Variants in ANXA4 observed in about 807,000 individuals in gnomAD.
ANXA4 encodes 35-beta calcimedin.
ANXA4 carries 39 observed loss-of-function variants against 49.8 expected under a neutral mutation model. That is an observed-to-expected ratio of 0.78 (90% CI 0.61 to 1.02). ANXA4 has a LOEUF of 1.02. ANXA4 is among the 50% of genes least tolerant of loss of function. ANXA4 has a pLI of 0.00. For synonymous variants in ANXA4, 134 were observed against 152.5 expected (o/e 0.88, Z 0.89); for missense variants, 360 against 410.1 (o/e 0.88, Z 1.05).
chr2:69,804,602 C>G lies in ANXA4; in HGVS notation c.167C>G (p.Thr56Arg), dbSNP rs764567406. ...ACCGCCCAGCGCCAGGAGATCAGGA[C>G]AGCCTACAAGAGCACCATCGGCAGG... Reference protein sequence around the residue: ...RNTAQRQEIRTAYKSTIGRDL... With the variant: ...RNTAQRQEIRRAYKSTIGRDL... The change falls in exon 4 of 13, where the codon ACA (threonine) becomes AGA (arginine). Residue 56 changes from threonine (T) to arginine (R), a missense_variant. Physicochemically the swap from Thr to Arg is moderately conservative, Grantham distance 71. Transcript: ENST00000394295. 7 of 1,613,622 alleles carry G rather than the reference C, an allele frequency of 4.3e-6. No homozygotes were observed. Among genetic ancestry groups the G allele is most frequent in the African/African-American group, 2.7e-5 (2 of 74,920 alleles).
chr2:69,724,373 A>G (rs925510397), intron 3 of ANXA4, among the ~76,000 whole-genome samples: 2 of 152,208 alleles, frequency 1.3e-5, no homozygotes, highest in African/African-American at 4.8e-5. Flanking sequence ...GCTGAAAAAC[A>G]GCCAGTATTC....
chr2:69,741,876 C>G (rs1043250170), upstream of ANXA4: 2 of 152,542 alleles, frequency 1.3e-5, no homozygotes, highest in African/African-American at 4.8e-5. Flanking sequence ...CCAATCCGGG[C>G]AGGGGGCGAG....
At chr2:69,715,500 G>A (rs1678852599) in intron 2 of ANXA4, among the ~76,000 whole-genome samples, 4 of 152,168 alleles carry the variant, frequency 2.6e-5, no homozygotes, top group South Asian at 4.1e-4. Context: ...AAGCCATCAC[G>A]CCTGGCCAAA....
intron 2 of ANXA4, among the ~76,000 whole-genome samples, chr2:69,715,407 C>A (rs6758921): frequency 0.057 from 8,687 of 152,082 alleles, 857 homozygotes; most frequent in African/African-American, 0.2. Flanking sequence ...GGGGTTTCAC[C>A]ATATTGGCCA....
intron 1 of ANXA4, among the ~76,000 whole-genome samples, chr2:69,760,438 G>C (rs1301712136): frequency 6.6e-6 from 1 of 152,200 alleles, no homozygotes; most frequent in Non-Finnish European, 1.5e-5. Context: ...GCCAAAATCT[G>C]TAGTCTCAAA....
rs72903051 is a variant in ANXA4, at chr2:69,742,877, A to C, written c.-47+702A>C. Among the ~76,000 whole-genome samples the C allele has an allele frequency of 5.0e-3, 766 of 152,288 alleles. 9 individuals are homozygous for C. Among genetic ancestry groups the C allele is most frequent in the African/African-American group, 0.017 (704 of 41,556 alleles). On this transcript the variant is annotated intron_variant, in intron 1 of 12. Coordinates refer to ENST00000394295, the MANE Select transcript of ANXA4 (RefSeq NM_001153.5). ...CTGCATAACTCGTGCTTTACATGGA[A>C]CTGGGCATCTGCTCTCTCCTGCTGA...
intron 12 of ANXA4, among the ~76,000 whole-genome samples, chr2:69,823,815 A>G (rs1454942788): frequency 6.6e-6 from 1 of 152,252 alleles, no homozygotes; most frequent in Non-Finnish European, 1.5e-5. Flanking sequence ...AATGAGGCAA[A>G]GTATAAACAA....
At chr2:69,814,370 G>T (rs148613188) in intron 8 of ANXA4, among the ~76,000 whole-genome samples, 16 of 111,380 alleles carry the variant, frequency 1.4e-4, no homozygotes, top group Non-Finnish European at 2.7e-4. Flanking sequence ...TTTTGAGATA[G>T]GGTCTTGCTC....
At chr2:69,792,540 C>A (rs765566500) in intron 3 of ANXA4, among the ~76,000 whole-genome samples, 60 of 152,156 alleles carry the variant, frequency 3.9e-4, no homozygotes, top group Admixed American at 2.7e-3. Context: ...CAGAAAAAAA[C>A]CATATAATGC....
chr2:69,796,434 G>A (rs777548263), intron 3 of ANXA4, among the ~76,000 whole-genome samples: 23 of 152,158 alleles, frequency 1.5e-4, no homozygotes, highest in Non-Finnish European at 2.4e-4. Context: ...GCCTGTTTTT[G>A]TGGTTTCCTT....
At chr2:69,648,883 C>CTTTTTT (rs199698315) in intron 1 of ANXA4, among the ~76,000 whole-genome samples, 113 of 105,768 alleles carry the variant, frequency 1.1e-3, no homozygotes, top group East Asian at 8.2e-3. Context: ...TTCTTTCTTT[C>CTTTTTT]TTTTCTTTTT....
At chr2:69,683,689 A>G (rs1314690594) in intron 2 of ANXA4, among the ~76,000 whole-genome samples, 2 of 152,066 alleles carry the variant, frequency 1.3e-5, no homozygotes, top group African/African-American at 4.8e-5. Context: ...TCTACTAGAG[A>G]GTATATGGAG....
At chr2:69,719,260 C>CT (rs1192269262) in intron 2 of ANXA4, among the ~76,000 whole-genome samples, 1,414 of 66,574 alleles carry the variant, frequency 0.021, 276 homozygotes, top group African/African-American at 0.035. Context: ...ATTTTCCAGT[C>CT]TTTTTTTTTT....
intron 2 of ANXA4, among the ~76,000 whole-genome samples, chr2:69,697,655 T>G (rs980244776): frequency 2.6e-5 from 4 of 152,230 alleles, no homozygotes; most frequent in African/African-American, 9.6e-5. Context: ...GAGATGCACA[T>G]GATTCTTCCT....
chr2:69,770,599 G>A (rs1671666216), intron 1 of ANXA4, among the ~76,000 whole-genome samples: 1 of 152,118 alleles, frequency 6.6e-6, no homozygotes. Context: ...GGGGTCTGAA[G>A]GAGAGCTTCA....
chr2:69,645,997 T>TA (rs1309030080), intron 1 of ANXA4, among the ~76,000 whole-genome samples: 2 of 152,292 alleles, frequency 1.3e-5, no homozygotes, highest in East Asian at 3.9e-4. Flanking sequence ...GCCCAGTTCT[T>TA]ACCTGGCTAT....
At chr2:69,739,369 C>A (rs189976560), upstream of ANXA4, among the ~76,000 whole-genome samples, 49 of 152,082 alleles carry the variant, frequency 3.2e-4, no homozygotes, top group Non-Finnish European at 6.3e-4. Flanking sequence ...GTTCCCTTGT[C>A]CTTGTGAGAT....
At chr2:69,754,862 A>G (rs534775428) in intron 1 of ANXA4, among the ~76,000 whole-genome samples, 1 of 152,210 alleles carries the variant, frequency 6.6e-6, no homozygotes, top group South Asian at 2.1e-4. Context: ...GGATTCACCT[A>G]GCCTTCTGTA....
At chr2:69,689,598 C>T (rs986751820) in intron 2 of ANXA4, among the ~76,000 whole-genome samples, 8 of 152,092 alleles carry the variant, frequency 5.3e-5, no homozygotes, top group African/African-American at 1.7e-4. Flanking sequence ...CATTTAAGGT[C>T]GTTATGTAGT....
Sources: allele counts gnomAD v4.1 joint callset (sites outside exome capture counted in the v4.1 genomes callset), GRCh38; gene constraint gnomAD v4.1.1; transcripts MANE v1.5; gene names NCBI Gene and HGNC (gene_info 2026-07-23, HGNC 2026-07-21).